Variants in CSGALNACT1 observed in about 807,000 individuals in gnomAD.
CSGALNACT1 encodes the protein chondroitin sulfate N-acetylgalactosaminyltransferase 1, also known as beta4GalNAcT-1.
Under a neutral mutation model 51.0 loss-of-function variants are expected in CSGALNACT1, and 52 were observed. That is an observed-to-expected ratio of 1.02 (90% CI 0.82 to 1.29). The LOEUF (loss-of-function observed/expected upper bound fraction) is 1.29, where lower values mean the gene tolerates loss of function less well. Among genes scored for constraint, CSGALNACT1 ranks in the 50% most tolerant of loss-of-function variants. CSGALNACT1 has a pLI of 0.00. For synonymous variants in CSGALNACT1, 341 were observed against 254.4 expected (o/e 1.34, Z -3.24); for missense variants, 935 against 679.2 (o/e 1.38, Z -4.19).
upstream of CSGALNACT1, among the ~76,000 whole-genome samples, chr8:19,603,522 C>T (rs971154111): frequency 3.3e-5 from 5 of 152,316 alleles, no homozygotes; most frequent in South Asian, 4.1e-4. Flanking sequence ...TTGGCAGCAA[C>T]GCAGCAATGC....
chr8:19,427,353 A>G (rs1214966954), intron 6 of CSGALNACT1, among the ~76,000 whole-genome samples: 1 of 152,202 alleles, frequency 6.6e-6, no homozygotes, highest in Admixed American at 6.5e-5. Context: ...AATGCATACA[A>G]TTTTGTTTTG....
intron 1 of CSGALNACT1, among the ~76,000 whole-genome samples, chr8:19,741,064 G>A (rs9694733): frequency 0.17 from 25,183 of 152,184 alleles, 2,211 homozygotes; most frequent in Middle Eastern, 0.31. Context: ...TGACTTTTGT[G>A]CGTAGGTTGA....
chr8:19,469,301 G>A (rs1333894394), intron 4 of CSGALNACT1, among the ~76,000 whole-genome samples: 1 of 152,168 alleles, frequency 6.6e-6, no homozygotes, highest in Non-Finnish European at 1.5e-5. Context: ...GCAGGCATGA[G>A]GATCCCTTGA....
At chr8:19,482,416 G>T (rs2071662309) in intron 4 of CSGALNACT1, among the ~76,000 whole-genome samples, 1 of 151,970 alleles carries the variant, frequency 6.6e-6, no homozygotes, top group African/African-American at 2.4e-5. Flanking sequence ...CCTTATTTCT[G>T]CCCCTACCAC....
At chr8:19,491,749 C>T (rs2074402898) in intron 4 of CSGALNACT1, among the ~76,000 whole-genome samples, 1 of 152,208 alleles carries the variant, frequency 6.6e-6, no homozygotes, top group Non-Finnish European at 1.5e-5. Flanking sequence ...TTTCACATTT[C>T]ACTCTTAGCA....
intron 3 of CSGALNACT1, among the ~76,000 whole-genome samples, chr8:19,542,914 T>C (rs1278073227): frequency 1.3e-5 from 2 of 152,132 alleles, no homozygotes; most frequent in Non-Finnish European, 2.9e-5. Context: ...ATAAATTCAT[T>C]TGGGTTTTCC....
chr8:19,415,892 C>T (rs914618948), intron 8 of CSGALNACT1, among the ~76,000 whole-genome samples: 6 of 152,228 alleles, frequency 3.9e-5, no homozygotes, highest in Admixed American at 2.6e-4. Flanking sequence ...TGCTGCTTAA[C>T]GACACAACTG....
At chr8:19,405,634 C>G (rs113643413) in exon 10 of CSGALNACT1, 2 of 1,083,558 alleles carry the variant, frequency 1.8e-6, no homozygotes, top group South Asian at 2.7e-5. Context: ...AAAAGCCCAA[C>G]AGAGAGAAAT....
intron 1 of CSGALNACT1, among the ~76,000 whole-genome samples, chr8:19,748,743 T>C (rs66534928): frequency 0.13 from 19,685 of 152,052 alleles, 1,469 homozygotes; most frequent in Non-Finnish European, 0.15. Context: ...GGAGGGTGGA[T>C]CACCTCAGGT....
intron 4 of CSGALNACT1, among the ~76,000 whole-genome samples, chr8:19,485,759 C>CTTTTTTGTTTTTTTT (rs2072738475): frequency 2.6e-5 from 1 of 38,520 alleles, no homozygotes; most frequent in Non-Finnish European, 4.6e-5. Context: ...CCTCAGCTTG[C>CTTTTTTGTTTTTTTT]TTTTTTTTTT....
chr8:19,647,521 A>G (rs2057387492), intron 1 of CSGALNACT1, among the ~76,000 whole-genome samples: 3 of 152,178 alleles, frequency 2.0e-5, no homozygotes. Flanking sequence ...TCATCTGAAT[A>G]CTCTAAGAGA....
At chr8:19,610,087 T>C (rs1055335809) in intron 1 of CSGALNACT1, among the ~76,000 whole-genome samples, 1 of 151,256 alleles carries the variant, frequency 6.6e-6, no homozygotes, top group Non-Finnish European at 1.5e-5. Flanking sequence ...CCGGGCGTGG[T>C]TGAGGGTGCC....
At chr8:19,461,325 G>A (rs980444306) in intron 4 of CSGALNACT1, among the ~76,000 whole-genome samples, 4 of 152,230 alleles carry the variant, frequency 2.6e-5, no homozygotes, top group Admixed American at 2.0e-4. Flanking sequence ...CATCTCTGAT[G>A]CTGTCTGGGA....
intron 3 of CSGALNACT1, among the ~76,000 whole-genome samples, chr8:19,584,775 TCAGTTATAAGG>T (rs572002933): frequency 3.9e-5 from 6 of 152,204 alleles, no homozygotes; most frequent in Non-Finnish European, 7.3e-5. Flanking sequence ...CATTAAACCA[TCAGTTATAAGG>T]CAGTTATAAA....
At chr8:19,675,728 G>A (rs773635529) in intron 1 of CSGALNACT1, among the ~76,000 whole-genome samples, 10 of 151,966 alleles carry the variant, frequency 6.6e-5, no homozygotes, top group East Asian at 1.9e-4. Context: ...TCCTAACCTC[G>A]TGATCCACCT....
intron 3 of CSGALNACT1, among the ~76,000 whole-genome samples, chr8:19,507,033 G>A (rs915277439): frequency 2.0e-5 from 3 of 152,198 alleles, no homozygotes. Context: ...GATCGACATG[G>A]TTCTGAGCTT....
At chr8:19,455,894 T>C (rs922817884) in intron 5 of CSGALNACT1, among the ~76,000 whole-genome samples, 11 of 152,214 alleles carry the variant, frequency 7.2e-5, no homozygotes, top group Non-Finnish European at 1.3e-4. Flanking sequence ...CTTGGTAGCA[T>C]GTCTAGCACA....
At chr8:19,482,378 A>C (rs528178437) in intron 4 of CSGALNACT1, among the ~76,000 whole-genome samples, 3 of 152,212 alleles carry the variant, frequency 2.0e-5, no homozygotes, top group Admixed American at 1.3e-4. Flanking sequence ...ACATCAGAGG[A>C]CTTTTTCCTT....
At chr8:19,592,983 C>G (rs1226981495) in intron 2 of CSGALNACT1, among the ~76,000 whole-genome samples, 2 of 152,120 alleles carry the variant, frequency 1.3e-5, no homozygotes, top group Non-Finnish European at 2.9e-5. Context: ...ATATTTTTGA[C>G]TTACAATAGG....
Sources: gnomAD v4.1 joint callset for allele counts (sites outside exome capture counted in the v4.1 genomes callset) on GRCh38, gnomAD v4.1.1 for gene constraint, MANE v1.5 for transcripts, NCBI Gene and HGNC (gene_info 2026-07-23, HGNC 2026-07-21) for gene names.